CRMP1: variants seen among roughly 807,000 people sequenced by gnomAD.
CRMP1 encodes dihydropyrimidinase-related protein 1.
Under a neutral mutation model 68.3 loss-of-function variants are expected in CRMP1, and 19 were observed. The observed-to-expected ratio is 0.28, with a 90% CI of 0.19 to 0.41. The LOEUF (loss-of-function observed/expected upper bound fraction) is 0.41, where lower values mean the gene tolerates loss of function less well. Ranked by LOEUF, CRMP1 falls within the 10% of genes least tolerant of loss-of-function variation. The probability of loss-of-function intolerance (pLI) is 1.00; values close to 1 mark genes in which losing one functional copy is unlikely to be tolerated. For synonymous variants in CRMP1, 439 were observed against 399.6 expected, an observed-to-expected ratio of 1.10 and a Z score of -1.18; for missense variants, 791 against 967.4, an observed-to-expected ratio of 0.82 and a Z score of 2.42.
Position 5,891,627 on chromosome 4 carries a change from T to C in CRMP1, c.381+962A>G, listed in dbSNP as rs941479523. On this transcript the variant is annotated intron_variant, in intron 1 of 13. Transcript: ENST00000324989. The surrounding 1 kb of genome is among the most constrained non-coding windows in gnomAD (Gnocchi z 5.2). Reference sequence around the variant, plus strand: ...TAGCGCCTACCCTGGGCCTGGCACCTAGCAGTTCTCCGGCATCCAGGTCTG... The same window carrying C: ...TAGCGCCTACCCTGGGCCTGGCACCCAGCAGTTCTCCGGCATCCAGGTCTG... 6.6e-6 allele frequency among the ~76,000 whole-genome samples: 1 copy of C among 152,150 alleles called. No individual in the cohort carries two copies. The highest frequency in any genetic ancestry group is 1.5e-5 in the Non-Finnish European group (1 of 68,014).
rs879497255 is a variant in CRMP1 at position 5,825,907 on chromosome 4, A to T, written c.1804-248T>A. ...CACATGCATACACATACAGACGCACACACCACGCACACGCACTCACATACA... is the reference window on the plus strand; with the variant it reads ...CACATGCATACACATACAGACGCACTCACCACGCACACGCACTCACATACA... On this transcript the variant is annotated intron_variant, in intron 12 of 13. Coordinates refer to ENST00000324989, the MANE Select transcript of CRMP1 (RefSeq NM_001014809.3). This position sits in a 1 kb window ranked among gnomAD's most constrained non-coding sequence, Gnocchi z 4.4. The T allele has an allele frequency of 0.036, 18,603 of 517,750 alleles. 430 individuals carry two copies. Among genetic ancestry groups the T allele is most frequent in the African/African-American group, 0.056 (2,795 of 49,798 alleles). The allele number at this position is 517,750 out of a possible 1,614,324, so 32.1% of individuals were successfully genotyped here. A position where few individuals can be genotyped will look rare whatever the true frequency, so the allele number is the denominator to read the frequency against.
At chr4:5,851,523 GT>G in intron 4 of CRMP1, 54 bp from the exon 5 acceptor site, 1 of 1,539,096 alleles carries the variant, frequency 6.5e-7, no homozygotes, top group Non-Finnish European at 9.0e-7. Context: ...ACAGAAGCAT[GT>G]CTTTCCAATA....
rs1293377239 is a variant in CRMP1, at chr4:5,859,909, C to T, written c.655+1117G>A. ...AGCTTACAGACAGGCCTCCTGAAAC[C>T]GAAGAGCCTAACAGTTGAAAGAACA... is the stretch of plus-strand genomic sequence containing the variant. On this transcript the variant is annotated intron_variant, in intron 3 of 13. Coordinates refer to ENST00000324989, the MANE Select transcript of CRMP1 (RefSeq NM_001014809.3). This position sits in a 1 kb window ranked among gnomAD's most constrained non-coding sequence, Gnocchi z 5.2. Among the ~76,000 whole-genome samples the T allele has an allele frequency of 6.6e-6, 1 of 152,116 alleles. No individual in the cohort carries two copies. The highest frequency in any genetic ancestry group is 1.5e-5 in the Non-Finnish European group (1 of 68,018).
In CRMP1 at chr4:5,879,445, C is replaced by G. The variant is rs928502576; in HGVS notation, c.382-12689G>C. On this transcript the variant is annotated intron_variant, in intron 1 of 13. Transcript: ENST00000324989. The surrounding 1 kb of genome is among the most constrained non-coding windows in gnomAD (Gnocchi z 4.2). ...AGCTCATTGTAATATATCTTATTTC[C>G]CCCATGAGACTGAAATCCTTGGCAC... Among the ~76,000 whole-genome samples the G allele has an allele frequency of 6.6e-6, 1 of 152,182 alleles. No homozygotes were observed. Among genetic ancestry groups the G allele is most frequent in the African/African-American group, 2.4e-5 (1 of 41,426 alleles).
intron 8 of CRMP1, among the ~76,000 whole-genome samples, chr4:5,840,549 C>T (rs968891604): frequency 3.3e-5 from 5 of 152,244 alleles, no homozygotes; most frequent in African/African-American, 4.8e-5. Context: ...CCCTGTATCA[C>T]AGCTGCCCAA....
At position 5,874,395 on chromosome 4, in the gene CRMP1, A is replaced by G. The variant is rs114893805; in HGVS notation, c.382-7639T>C. On this transcript the variant is annotated intron_variant, in intron 1 of 13. Coordinates refer to ENST00000324989, the MANE Select transcript of CRMP1 (RefSeq NM_001014809.3). Reference sequence around the variant, plus strand: ...CTGGAGTCATTGGCTTCCCCTACGGAGACTTTGGGGTCCACACCCATGATC... The same window carrying G: ...CTGGAGTCATTGGCTTCCCCTACGGGGACTTTGGGGTCCACACCCATGATC... Among the ~76,000 whole-genome samples, 413 of 152,288 alleles carry G rather than the reference A, an allele frequency of 2.7e-3. 1 individual carries two copies. Among genetic ancestry groups the G allele is most frequent in the South Asian group, 7.3e-3 (35 of 4,824 alleles).
rs13130069 is a variant in CRMP1, at chr4:5,861,305, G to A, written c.471-95C>T. ...TCAGTTCCATGAAATAAACATTTCT[G>A]AGCCAGGCCCTTCACAAGGCCCTGG... On this transcript the variant is annotated intron_variant, in intron 2 of 13. Transcript: ENST00000324989. This position sits in a 1 kb window ranked among gnomAD's most constrained non-coding sequence, Gnocchi z 6.0. 0.48 allele frequency: 628,191 copies of A among 1,316,448 alleles called. 157,707 individuals are homozygous for A. Among genetic ancestry groups the A allele is most frequent in the East Asian group, 0.73 (31,560 of 43,250 alleles). 81.5% of individuals were successfully genotyped at this position (1,316,448 alleles called of 1,614,324 possible). A position where few individuals can be genotyped will look rare whatever the true frequency, so the allele number is the denominator to read the frequency against.
rs1256077992 is a variant in CRMP1, at chr4:5,860,213, G to A, written c.655+813C>T. On this transcript the variant is annotated intron_variant, in intron 3 of 13. Transcript: ENST00000324989. This position sits in a 1 kb window ranked among gnomAD's most constrained non-coding sequence, Gnocchi z 4.2. ...GACCTTGGCCAATGGAATGTGGGTG[G>A]AAGTTGCAGCATGGAAGTGAGGAGA... 6.6e-6 allele frequency among the ~76,000 whole-genome samples: 1 copy of A among 152,196 alleles called. No individual in the cohort carries two copies. The highest frequency in any genetic ancestry group is 6.5e-5 in the Admixed American group (1 of 15,278).
rs1714028449 is a variant in CRMP1, at chr4:5,866,745, G to T, written c.393C>A (p.Leu131=). The change falls in exon 2 of 14, where the codon CTC becomes CTA. Residue 131 remains leucine, a synonymous_variant. Coordinates refer to ENST00000324989, the MANE Select transcript of CRMP1 (RefSeq NM_001014809.3). This position sits in a 1 kb window ranked among gnomAD's most constrained non-coding sequence, Gnocchi z 5.9. ...TGATGATCCGTCCACCTTTGATGAG[G>T]AGTCGGTCACTCTGCAAAGCAAGGC... ...LGRDNGQSDR[L]LIKGGRIIND... 6.2e-7 allele frequency: 1 copy of T among 1,611,392 alleles called. No homozygotes were observed. The highest frequency in any genetic ancestry group is 1.1e-5 in the South Asian group (1 of 90,754).
Position 5,890,051 on chromosome 4 carries a change from C to A in CRMP1, c.381+2538G>T. 1 of 542,262 alleles carries A rather than the reference C, an allele frequency of 1.8e-6. No homozygotes were observed. The highest frequency in any genetic ancestry group is 2.5e-6 in the Non-Finnish European group (1 of 401,134). The allele number at this position is 542,262 out of a possible 1,614,324, so 33.6% of individuals were successfully genotyped here. On this transcript the variant is annotated intron_variant, in intron 1 of 13. Coordinates refer to ENST00000324989, the MANE Select transcript of CRMP1 (RefSeq NM_001014809.3). This position sits in a 1 kb window ranked among gnomAD's most constrained non-coding sequence, Gnocchi z 5.5. Reference sequence around the variant, plus strand: ...CACTCTGTTTACAACTCATTTCCCTCCACGCATTCATGCATCCCTGGCTCT... The same window carrying A: ...CACTCTGTTTACAACTCATTTCCCTACACGCATTCATGCATCCCTGGCTCT...
intron 12 of CRMP1, chr4:5,826,501 T>A (rs1381501604): frequency 6.6e-6 from 1 of 152,250 alleles, no homozygotes; most frequent in East Asian, 1.9e-4. Context: ...AGGAGGGCAA[T>A]GGAGCCACAG....
At chr4:5,851,582 C>G (rs1232378865) in intron 4 of CRMP1, 113 bp from the exon 5 acceptor site, 1 of 1,035,676 alleles carries the variant, frequency 9.7e-7, no homozygotes. Flanking sequence ...GAGATGAGTG[C>G]CATTGGGATC....
Position 5,837,986 on chromosome 4 carries a change from C to T in CRMP1, c.1311-1080G>A, listed in dbSNP as rs61569869. On this transcript the variant is annotated intron_variant, in intron 9 of 13. Transcript: ENST00000324989. ...TGGCAATAAGCAGAGGCGAATGGGGCACATGGGCGCTGTTAGAGTGAGTGT... is the reference window on the plus strand; with the variant it reads ...TGGCAATAAGCAGAGGCGAATGGGGTACATGGGCGCTGTTAGAGTGAGTGT... Among the ~76,000 whole-genome samples the T allele has an allele frequency of 4.9e-3, 742 of 152,238 alleles. 4 individuals are homozygous for T. The highest frequency in any genetic ancestry group is 0.016 in the African/African-American group (684 of 41,538).
At chr4:5,845,407 G>A (rs939407996) in intron 6 of CRMP1, among the ~76,000 whole-genome samples, 1 of 152,224 alleles carries the variant, frequency 6.6e-6, no homozygotes, top group African/African-American at 2.4e-5. Context: ...CATGTGCAAG[G>A]AACCGAGGGA....
chr4:5,831,758 A>C (rs2152456680), intron 11 of CRMP1, among the ~76,000 whole-genome samples: 1 of 152,342 alleles, frequency 6.6e-6, no homozygotes, highest in Admixed American at 6.5e-5. Flanking sequence ...TTTCACAAGA[A>C]CACTGAATTG....
At position 5,851,446 on chromosome 4, in the gene CRMP1, T is replaced by G. The variant is rs773088512; in HGVS notation, c.844A>C (p.Met282Leu). 13 of 1,614,048 alleles carry G rather than the reference T, an allele frequency of 8.1e-6. No individual in the cohort carries two copies. The highest frequency in any genetic ancestry group is 8.5e-7 in the Non-Finnish European group (1 of 1,180,026). Reference protein sequence around the residue: ...DKGVNSFQVYMAYKDVYQMSD... With the variant: ...DKGVNSFQVYLAYKDVYQMSD... Reference sequence around the variant, plus strand: ...ATTTGGTAGACATCCTTATAGGCCATGTAGACTTGGAAGGAATTGACGCCT... The same window carrying G: ...ATTTGGTAGACATCCTTATAGGCCAGGTAGACTTGGAAGGAATTGACGCCT... The change falls in exon 5 of 14, where the codon ATG (methionine) becomes CTG (leucine). Residue 282 changes from methionine (M) to leucine (L), a missense_variant. By Grantham distance (15) the Met-to-Leu change is conservative. This residue lies in a region of CRMP1 where 594 missense variants were observed against 763.6 expected (regional missense o/e 0.78). Coordinates refer to ENST00000324989, the MANE Select transcript of CRMP1 (RefSeq NM_001014809.3).
In CRMP1 at chr4:5,865,598, T is replaced by A. The variant is rs1314357895; in HGVS notation, c.470+1070A>T. ...ATTGTGCCACTGCACTCCAGCCTGG[T>A]GACAGAGTGAGACTCCGTCTCAAAA... On this transcript the variant is annotated intron_variant, in intron 2 of 13. Coordinates refer to ENST00000324989, the MANE Select transcript of CRMP1 (RefSeq NM_001014809.3). The surrounding 1 kb of genome is among the most constrained non-coding windows in gnomAD (Gnocchi z 4.1). Among the ~76,000 whole-genome samples, 1 of 136,910 alleles carries A rather than the reference T, an allele frequency of 7.3e-6. No individual in the cohort carries two copies. The highest frequency in any genetic ancestry group is 1.5e-5 in the Non-Finnish European group (1 of 65,646). The allele number at this position is 136,910 out of a possible 152,430, so 89.8% of individuals were successfully genotyped here.
intron 13 of CRMP1, among the ~76,000 whole-genome samples, chr4:5,823,774 C>G (rs1193128014): frequency 6.6e-6 from 1 of 151,702 alleles, no homozygotes; most frequent in Non-Finnish European, 1.5e-5. Context: ...CTTGTACAGC[C>G]TGCAGAGCCG....
In CRMP1 at chr4:5,825,648, C is replaced by T. The variant is rs553159869; in HGVS notation, c.1815G>A (p.Leu605=). The change falls in exon 13 of 14, where the codon TTG becomes TTA. Residue 605 remains leucine, a synonymous_variant. Transcript: ENST00000324989. This position sits in a 1 kb window ranked among gnomAD's most constrained non-coding sequence, Gnocchi z 4.4. The part of the protein sequence containing the change: ...RVKIRNKVFG[L]QGVSRGMYDG... ...CATACATGCCCCTGGAAACCCCTTG[C>T]AATCCAAAAACCTAAACAGAGGAAG... is the stretch of plus-strand genomic sequence containing the variant. The T allele has an allele frequency of 3.7e-6, 6 of 1,612,062 alleles. No individual in the cohort carries two copies. Among genetic ancestry groups the T allele is most frequent in the African/African-American group, 1.3e-5 (1 of 74,902 alleles).
Sources: allele counts gnomAD v4.1 joint callset (sites outside exome capture counted in the v4.1 genomes callset), GRCh38; gene constraint gnomAD v4.1.1; regional missense constraint gnomAD v4.1.1; non-coding constraint Gnocchi (gnomAD v3.1); transcripts MANE v1.5; gene names NCBI Gene and HGNC (gene_info 2026-07-23, HGNC 2026-07-21).